Variants in MRPL2 observed in about 807,000 individuals in gnomAD.
MRPL2 encodes mitochondrial ribosomal protein L2.
A neutral mutation model predicts 34.6 loss-of-function variants in MRPL2; 27 were observed. The observed-to-expected ratio is 0.78, with a 90% CI of 0.58 to 1.08. The LOEUF (loss-of-function observed/expected upper bound fraction) is 1.08. Among genes scored for constraint, MRPL2 ranks in the 50% least tolerant of loss-of-function variants. The probability of loss-of-function intolerance (pLI) is 0.00; values close to 1 mark genes in which losing one functional copy is unlikely to be tolerated. For synonymous variants in MRPL2, 155 were observed against 158.0 expected (o/e 0.98, Z 0.14); for missense variants, 414 against 419.3 (o/e 0.99, Z 0.11).
Position 43,054,412 on chromosome 6 carries a change from T to C in MRPL2, c.780A>G (p.Ala260=). The change falls in exon 7 of 7, where the codon GCA becomes GCG. Residue 260 remains alanine, a synonymous_variant. Transcript: ENST00000388752. ...VDHNKRVIGK[A]GRNRWLGKRP... is the part of the protein sequence containing the mutation. ...TCTTGCCCAGCCAGCGGTTGCGACC[T>C]GCCTTGCCAATGACCCGTTTGTTAT... 2.5e-6 allele frequency: 4 copies of C among 1,614,258 alleles called. No homozygotes were observed. The highest frequency in any genetic ancestry group is 3.4e-6 in the Non-Finnish European group (4 of 1,180,050).
chr6:43,055,629 A>T lies in MRPL2; in HGVS notation c.632-11T>A. ...GCACACCACACGTCCCTGGGGAAAG[A>T]AGCTGATTTGCCACCCTCCACAAAA... On this transcript the variant is annotated splice_polypyrimidine_tract_variant and intron_variant, in intron 5 of 6. Coordinates refer to ENST00000388752, the MANE Select transcript of MRPL2 (RefSeq NM_015950.5). 4.3e-6 allele frequency: 7 copies of T among 1,613,988 alleles called. No homozygotes were observed. The highest frequency in any genetic ancestry group is 5.9e-6 in the Non-Finnish European group (7 of 1,180,002).
intron 1 of MRPL2, chr6:43,059,014 G>A: frequency 2.3e-6 from 2 of 881,832 alleles, no homozygotes; most frequent in Middle Eastern, 5.0e-4. Flanking sequence ...ACCTATACCT[G>A]GCTTATCATA....
intron 5 of MRPL2, 112 bp from the exon 6 acceptor site, chr6:43,055,730 C>T (rs1764848553): frequency 1.3e-5 from 17 of 1,347,286 alleles, no homozygotes; most frequent in Non-Finnish European, 1.8e-5. Context: ...GGAGCAGATA[C>T]ACAAAGAAGG....
chr6:43,057,194 C>G (rs1332635446), intron 2 of MRPL2, among the ~76,000 whole-genome samples: 2 of 151,738 alleles, frequency 1.3e-5, no homozygotes, highest in African/African-American at 4.8e-5. Flanking sequence ...AATATATATA[C>G]TTTTTGAGAT....
chr6:43,056,056 C>T (rs1046706164), intron 4 of MRPL2, 25 bp downstream of exon 4: 13 of 1,614,012 alleles, frequency 8.1e-6, no homozygotes, highest in Middle Eastern at 1.6e-4. Flanking sequence ...GCCTCCAGCC[C>T]ACACATCTGG....
At chr6:43,056,727 C>A (rs9472000) in intron 2 of MRPL2, among the ~76,000 whole-genome samples, 1 of 151,910 alleles carries the variant, frequency 6.6e-6, no homozygotes, top group Non-Finnish European at 1.5e-5. Context: ...CAGGCTGGAG[C>A]GCAGTGGTGC....
chr6:43,056,953 G>A (rs1231252440), intron 2 of MRPL2, among the ~76,000 whole-genome samples: 3 of 152,306 alleles, frequency 2.0e-5, no homozygotes, highest in East Asian at 3.9e-4. Flanking sequence ...GATTACAGGC[G>A]TGAGCCACTG....
chr6:43,059,007 T>C (rs1038740368), intron 1 of MRPL2: 14 of 812,274 alleles, frequency 1.7e-5, no homozygotes, highest in Non-Finnish European at 2.5e-5. Flanking sequence ...GTCTATTACC[T>C]ATACCTGGCT....
intron 6 of MRPL2, 52 bp downstream of exon 6, chr6:43,055,493 C>A: frequency 6.4e-7 from 1 of 1,574,782 alleles, no homozygotes; most frequent in Admixed American, 1.7e-5. Context: ...AGGAAAGTTA[C>A]ATTCCAAAAA....
chr6:43,055,404 T>A (rs540950059), intron 6 of MRPL2, 141 bp downstream of exon 6: 1 of 759,604 alleles, frequency 1.3e-6, no homozygotes, highest in Non-Finnish European at 2.2e-6. Context: ...AAAGCACACC[T>A]GAGTCATGTG....
At chr6:43,057,819 C>A in intron 2 of MRPL2, 1 of 455,672 alleles carries the variant, frequency 2.2e-6, no homozygotes. Flanking sequence ...AATGTCATGG[C>A]ACTTCCTGTG....
Position 43,054,473 on chromosome 6 carries a change from C to T in MRPL2, c.719G>A (p.Cys240Tyr). 6.2e-7 allele frequency: 1 copy of T among 1,614,116 alleles called. No homozygotes were observed. Among genetic ancestry groups the T allele is most frequent in the Non-Finnish European group, 8.5e-7 (1 of 1,180,018 alleles). Residue 240 changes from cysteine (C) to tyrosine (Y), a missense_variant, in exon 7 of 7, where the codon TGC (cysteine) becomes TAC (tyrosine). Coordinates refer to ENST00000388752, the MANE Select transcript of MRPL2 (RefSeq NM_015950.5). The part of the protein sequence containing the change: ...SKRQMQVLET[C>Y]VATVGRVSNV... ...GGATACTCGGCCTACTGTTGCTACG[C>T]ACGTTTCCAGCACCTGACAGAGAAA... is the stretch of plus-strand genomic sequence containing the variant.
At chr6:43,054,833 C>A (rs562578772) in intron 6 of MRPL2, among the ~76,000 whole-genome samples, 1 of 152,222 alleles carries the variant, frequency 6.6e-6, no homozygotes. Flanking sequence ...AATTCCAGCA[C>A]TTTGGGAGCC....
Position 43,055,544 on chromosome 6 carries a change from C to A in MRPL2, c.705+1G>T. ...CCCCTCCCATCCATACCCATACACA[C>A]CTGCATCTGCCTCTTAGAGGGCAGC... On this transcript the variant is annotated splice_donor_variant, in intron 6 of 6. Transcript: ENST00000388752. LOFTEE classifies it high-confidence loss of function. 6.2e-7 allele frequency: 1 copy of A among 1,613,994 alleles called. No individual in the cohort carries two copies. The highest frequency in any genetic ancestry group is 8.5e-7 in the Non-Finnish European group (1 of 1,179,992).
intron 2 of MRPL2, chr6:43,057,827 G>A: frequency 4.2e-6 from 2 of 472,928 alleles, no homozygotes; most frequent in Non-Finnish European, 7.4e-6. Flanking sequence ...GGCACTTCCT[G>A]TGTATGGCCC....
Position 43,054,150 on chromosome 6 carries a change from G to C in MRPL2, c.*124C>G. 2.5e-6 allele frequency: 2 copies of C among 794,010 alleles called. No homozygotes were observed. Among genetic ancestry groups the C allele is most frequent in the African/African-American group, 1.8e-5 (1 of 55,744 alleles). 49.2% of individuals were successfully genotyped at this position (794,010 alleles called of 1,614,324 possible). ...TTTTTACTTCTTTTCCCCACGTTTA[G>C]TCTGTACCATCCCCTCCCCCGCAAA... On this transcript the variant is annotated 3_prime_UTR_variant, in exon 7 of 7. Transcript: ENST00000388752.
At chr6:43,058,652 A>G (rs1764968308) in intron 1 of MRPL2, among the ~76,000 whole-genome samples, 1 of 152,190 alleles carries the variant, frequency 6.6e-6, no homozygotes, top group Non-Finnish European at 1.5e-5. Context: ...TTTGGATTTG[A>G]ATTTTAAACA....
At chr6:43,055,232 C>T (rs974272111) in intron 6 of MRPL2, among the ~76,000 whole-genome samples, 1 of 150,368 alleles carries the variant, frequency 6.7e-6, no homozygotes, top group African/African-American at 2.5e-5. Flanking sequence ...TGTGGTGGTG[C>T]GTGCCTGCAA....
chr6:43,054,053 T>G lies in MRPL2; in HGVS notation c.*221A>C. 1.6e-6 allele frequency: 1 copy of G among 640,354 alleles called. No individual in the cohort carries two copies. The highest frequency in any genetic ancestry group is 2.7e-6 in the Non-Finnish European group (1 of 376,050). The allele number at this position is 640,354 out of a possible 1,614,324, so 39.7% of individuals were successfully genotyped here. ...AGACCTTGGACGTCATTTATTTCCA[T>G]CCCCGGCTCCATTACTTGTAAGGGA... On this transcript the variant is annotated 3_prime_UTR_variant, in exon 7 of 7. Transcript: ENST00000388752.
Sources: gnomAD v4.1 joint callset for allele counts (sites outside exome capture counted in the v4.1 genomes callset) on GRCh38, gnomAD v4.1.1 for gene constraint, MANE v1.5 for transcripts, NCBI Gene and HGNC (gene_info 2026-07-23, HGNC 2026-07-21) for gene names.